The following SKAP1 variants were observed in gnomAD, a reference collection of about 807,000 sequenced individuals.
SKAP1 encodes src kinase-associated phosphoprotein 1.
A neutral mutation model predicts 58.5 loss-of-function variants in SKAP1; 44 were observed. The observed-to-expected ratio is 0.75, with a 90% CI of 0.59 to 0.97. SKAP1 has a LOEUF of 0.97. Among genes scored for constraint, SKAP1 ranks in the 50% least tolerant of loss-of-function variants. The pLI, the probability that SKAP1 is intolerant of heterozygous loss-of-function variation, is 0.00. For synonymous variants in SKAP1, 127 were observed against 149.7 expected, an observed-to-expected ratio of 0.85 and a Z score of 1.11; for missense variants, 390 against 435.2, an observed-to-expected ratio of 0.90 and a Z score of 0.92.
intron 4 of SKAP1, among the ~76,000 whole-genome samples, chr17:48,232,574 T>C (rs918813408): frequency 6.6e-6 from 1 of 152,164 alleles, no homozygotes; most frequent in Non-Finnish European, 1.5e-5. Flanking sequence ...ATTGGCAGCA[T>C]AAAGTATATG....
chr17:48,289,136 A>G (rs2065869739), intron 4 of SKAP1, among the ~76,000 whole-genome samples: 1 of 152,166 alleles, frequency 6.6e-6, no homozygotes, highest in Non-Finnish European at 1.5e-5. Flanking sequence ...CAAAATTAAA[A>G]CAGTAGGAAT....
the SKAP1 span, among the ~76,000 whole-genome samples, chr17:48,440,162 A>G: frequency 6.6e-6 from 1 of 152,216 alleles, no homozygotes; most frequent in African/African-American, 2.4e-5. Flanking sequence ...CCATGGTGAC[A>G]GAATGCAGGC....
chr17:48,288,542 C>T (rs2065861363), intron 4 of SKAP1, among the ~76,000 whole-genome samples: 1 of 152,110 alleles, frequency 6.6e-6, no homozygotes. Context: ...AAAAATTAGC[C>T]GGGTATGGTG....
intron 2 of SKAP1, among the ~76,000 whole-genome samples, chr17:48,366,369 G>A (rs1482519565): frequency 6.6e-6 from 1 of 151,854 alleles, no homozygotes; most frequent in Non-Finnish European, 1.5e-5. Context: ...GCAATCAGGT[G>A]AAGAGAAATG....
In SKAP1 at chr17:48,187,895, C is replaced by T. The variant is rs143442037; in HGVS notation, c.390G>A (p.Lys130=). The T allele has an allele frequency of 7.1e-4, 1,144 of 1,614,044 alleles. 1 individual carries two copies. The highest frequency in any genetic ancestry group is 9.3e-4 in the Non-Finnish European group (1,097 of 1,179,928). The change falls in exon 6 of 13, where the codon AAG becomes AAA. Residue 130 remains lysine (K), a synonymous_variant. Coordinates refer to ENST00000336915, the MANE Select transcript of SKAP1 (RefSeq NM_003726.4). The part of the protein sequence containing the change: ...DHSFFGSEWQ[K]RWCVVSRGLF... ...GACCTCTGCTGACAACACACCATCG[C>T]TTCTGCCACTCCGATCCAAAGAAAC...
chr17:48,407,699 C>T (rs923163531), intron 1 of SKAP1, among the ~76,000 whole-genome samples: 14 of 152,008 alleles, frequency 9.2e-5, no homozygotes, highest in African/African-American at 2.9e-4. Context: ...CAGAAAAATA[C>T]AAAAATTAGC....
At chr17:48,219,393 C>T (rs947194729) in intron 4 of SKAP1, among the ~76,000 whole-genome samples, 8 of 152,192 alleles carry the variant, frequency 5.3e-5, no homozygotes, top group Non-Finnish European at 1.2e-4. Flanking sequence ...TATGTCCAGC[C>T]TCAAATAAAG....
intron 4 of SKAP1, among the ~76,000 whole-genome samples, chr17:48,235,415 C>T (rs3897789): frequency 0.11 from 16,929 of 151,918 alleles, 1,010 homozygotes; most frequent in East Asian, 0.18. Context: ...GTTTGAACAG[C>T]CTCAAAAGTT....
At chr17:48,277,442 A>T (rs2065714927) in intron 4 of SKAP1, among the ~76,000 whole-genome samples, 1 of 152,240 alleles carries the variant, frequency 6.6e-6, no homozygotes, top group Non-Finnish European at 1.5e-5. Flanking sequence ...CGATTAATAT[A>T]TGGAGCATTC....
At chr17:48,190,110 A>ATTT (rs61267385) in intron 4 of SKAP1, among the ~76,000 whole-genome samples, 1 of 141,996 alleles carries the variant, frequency 7.0e-6, no homozygotes. Context: ...AAAATTAAGA[A>ATTT]TTTTTTTTTT....
At chr17:48,405,209 T>C (rs983143327) in intron 1 of SKAP1, among the ~76,000 whole-genome samples, 2 of 152,174 alleles carry the variant, frequency 1.3e-5, no homozygotes, top group African/African-American at 4.8e-5. Flanking sequence ...ATTTTAAATT[T>C]TCTAGTAGCC....
chr17:48,207,482 T>C (rs1484452733), intron 4 of SKAP1, among the ~76,000 whole-genome samples: 3 of 107,972 alleles, frequency 2.8e-5, no homozygotes, highest in Non-Finnish European at 5.9e-5. Context: ...GAAGACTCTG[T>C]CTCAAAAAAA....
At chr17:48,368,182 A>C (rs2067034518) in intron 2 of SKAP1, among the ~76,000 whole-genome samples, 1 of 152,186 alleles carries the variant, frequency 6.6e-6, no homozygotes, top group Non-Finnish European at 1.5e-5. Context: ...CCCTCACTGG[A>C]GGGCACCACA....
intron 2 of SKAP1, among the ~76,000 whole-genome samples, chr17:48,364,552 G>A (rs1368336448): frequency 3.3e-5 from 5 of 152,094 alleles, no homozygotes; most frequent in African/African-American, 7.2e-5. Flanking sequence ...GCGTGTGCCT[G>A]TAATCCCAGC....
intron 6 of SKAP1, chr17:48,186,103 T>C (rs2064447507): frequency 6.6e-6 from 1 of 152,166 alleles, no homozygotes; most frequent in African/African-American, 2.4e-5. Context: ...AAATGCAAAA[T>C]AAATGATGAA....
intron 4 of SKAP1, among the ~76,000 whole-genome samples, chr17:48,218,637 C>A (rs1236842623): frequency 6.6e-6 from 1 of 152,254 alleles, no homozygotes; most frequent in South Asian, 2.1e-4. Flanking sequence ...AATTAGAAAA[C>A]AATGACTGTG....
At chr17:48,155,639 C>G (rs2063965921) in intron 11 of SKAP1, among the ~76,000 whole-genome samples, 1 of 151,484 alleles carries the variant, frequency 6.6e-6, no homozygotes, top group African/African-American at 2.4e-5. Flanking sequence ...GATGGATCAC[C>G]TGAGGCCAGG....
At chr17:48,442,946 C>T in the SKAP1 span, among the ~76,000 whole-genome samples, 1 of 152,208 alleles carries the variant, frequency 6.6e-6, no homozygotes, top group African/African-American at 2.4e-5. Context: ...CCACCATAAC[C>T]TCCTGCTTAT....
chr17:48,331,559 C>T (rs1419360860), intron 4 of SKAP1, among the ~76,000 whole-genome samples: 3 of 151,982 alleles, frequency 2.0e-5, no homozygotes, highest in Non-Finnish European at 4.4e-5. Context: ...ATTAGCCGGG[C>T]GTGGTGGCGC....
Sources: gnomAD v4.1 joint callset for allele counts (sites outside exome capture counted in the v4.1 genomes callset) on GRCh38, gnomAD v4.1.1 for gene constraint, MANE v1.5 for transcripts, NCBI Gene and HGNC (gene_info 2026-07-23, HGNC 2026-07-21) for gene names.